Variants in SORCS2 observed in about 807,000 individuals in gnomAD.
The protein encoded by SORCS2 is VPS10 domain-containing receptor SorCS2.
A neutral mutation model predicts 141.6 loss-of-function variants in SORCS2; 100 were observed. The observed-to-expected ratio is 0.71, with a 90% CI of 0.60 to 0.83. The LOEUF (loss-of-function observed/expected upper bound fraction) is 0.83, where lower values mean the gene tolerates loss of function less well. Ranked by LOEUF, SORCS2 falls within the 40% of genes least tolerant of loss-of-function variation. The pLI is 0.00. For synonymous variants in SORCS2, 789 were observed against 676.9 expected (o/e 1.17, Z -2.57); for missense variants, 1,646 against 1,560.2 (o/e 1.05, Z -0.93).
At chr4:7,244,029 C>T (rs973631015) in intron 1 of SORCS2, among the ~76,000 whole-genome samples, 6 of 152,240 alleles carry the variant, frequency 3.9e-5, no homozygotes, top group Admixed American at 6.5e-5. Flanking sequence ...CTCTGCTCAG[C>T]GGAGTCACCT....
chr4:7,597,068 A>G (rs951713717), intron 3 of SORCS2, among the ~76,000 whole-genome samples: 5 of 152,172 alleles, frequency 3.3e-5, no homozygotes, highest in African/African-American at 7.2e-5. Context: ...TAAAAAATCA[A>G]TGCAGGCTTA....
At chr4:7,684,997 G>T (rs1577072377) in intron 10 of SORCS2, among the ~76,000 whole-genome samples, 1 of 152,188 alleles carries the variant, frequency 6.6e-6, no homozygotes. Flanking sequence ...CCTCTCAGGG[G>T]CCGGCTGCCC....
At chr4:7,519,973 G>C (rs1164646801) in intron 2 of SORCS2, among the ~76,000 whole-genome samples, 1 of 152,212 alleles carries the variant, frequency 6.6e-6, no homozygotes, top group Admixed American at 6.5e-5. Flanking sequence ...TTAGGCCCCA[G>C]GGCTCCTGCT....
At chr4:7,227,659 C>G (rs1729067415) in intron 1 of SORCS2, among the ~76,000 whole-genome samples, 1 of 152,040 alleles carries the variant, frequency 6.6e-6, no homozygotes. Context: ...GGAGTCGTTT[C>G]CCAGCCTCAC....
intron 1 of SORCS2, among the ~76,000 whole-genome samples, chr4:7,348,508 C>T (rs1013702565): frequency 6.6e-6 from 1 of 152,126 alleles, no homozygotes; most frequent in Non-Finnish European, 1.5e-5. Context: ...AGTGCCCTGG[C>T]GAAGACCATG....
At chr4:7,642,370 A>G (rs1490363275) in intron 4 of SORCS2, among the ~76,000 whole-genome samples, 1 of 152,242 alleles carries the variant, frequency 6.6e-6, no homozygotes, top group Admixed American at 6.5e-5. Context: ...CTGCATTGCA[A>G]TTGCTCTCTA....
intron 1 of SORCS2, among the ~76,000 whole-genome samples, chr4:7,383,447 C>T (rs1011455827): frequency 6.6e-6 from 1 of 152,140 alleles, no homozygotes; most frequent in Non-Finnish European, 1.5e-5. Flanking sequence ...GACATGACAG[C>T]GTTGTTTCTA....
chr4:7,383,761 T>A (rs1482906252), intron 1 of SORCS2, among the ~76,000 whole-genome samples: 1 of 152,194 alleles, frequency 6.6e-6, no homozygotes, highest in Non-Finnish European at 1.5e-5. Flanking sequence ...AACAGCAGCT[T>A]GTAATTTCAT....
At chr4:7,363,389 TACCAAC>T (rs1721715142) in intron 1 of SORCS2, among the ~76,000 whole-genome samples, 3 of 145,518 alleles carry the variant, frequency 2.1e-5, no homozygotes, top group South Asian at 2.1e-4. Flanking sequence ...CCGTCATTGC[TACCAAC>T]ACCATCACTG....
At chr4:7,739,923 C>T (rs1056972364) in intron 26 of SORCS2, among the ~76,000 whole-genome samples, 10 of 152,202 alleles carry the variant, frequency 6.6e-5, no homozygotes, top group Admixed American at 3.3e-4. Context: ...GCGATCCCCA[C>T]GCAGGTCAGT....
chr4:7,504,190 A>G (rs1732144459), intron 2 of SORCS2, among the ~76,000 whole-genome samples: 3 of 152,210 alleles, frequency 2.0e-5, no homozygotes, highest in Admixed American at 2.0e-4. Flanking sequence ...ACACACCGGG[A>G]TCCTCACTCC....
chr4:7,621,308 GTGTC>G (rs1351041528), intron 3 of SORCS2, among the ~76,000 whole-genome samples: 1 of 152,188 alleles, frequency 6.6e-6, no homozygotes, highest in Non-Finnish European at 1.5e-5. Context: ...ACAAATGTGT[GTGTC>G]TGTGTATGTG....
chr4:7,710,534 T>A (rs1330170017), intron 14 of SORCS2, among the ~76,000 whole-genome samples: 1 of 152,186 alleles, frequency 6.6e-6, no homozygotes, highest in African/African-American at 2.4e-5. Flanking sequence ...GAGAAGACCC[T>A]CAGATGCTGT....
chr4:7,531,401 A>T, intron 2 of SORCS2, 129 bp from the exon 3 acceptor site: 1 of 764,750 alleles, frequency 1.3e-6, no homozygotes, highest in Non-Finnish European at 2.2e-6. Context: ...CAGAGTGCCC[A>T]GGACTGTACT....
chr4:7,438,220 A>G (rs1353294446), intron 2 of SORCS2, among the ~76,000 whole-genome samples: 1 of 152,140 alleles, frequency 6.6e-6, no homozygotes. Context: ...TCGGGAGCTG[A>G]TGGCAGCTTT....
chr4:7,737,305 C>T, intron 26 of SORCS2, 133 bp downstream of exon 26: 1 of 1,355,888 alleles, frequency 7.4e-7, no homozygotes, highest in Non-Finnish European at 9.9e-7. Context: ...CAGCCCTTGC[C>T]AGCGGGTCGG....
rs1287970638 is a variant in SORCS2 at position 7,305,091 on chromosome 4, GA to G, written c.481-91196del. Among the ~76,000 whole-genome samples, 5 of 149,690 alleles carry G rather than the reference GA, an allele frequency of 3.3e-5. No homozygotes were observed. The East Asian group carries it at 7.9e-4, about 24-fold the overall frequency. On this transcript the variant is annotated intron_variant, in intron 1 of 26. Coordinates refer to ENST00000507866, the MANE Select transcript of SORCS2 (RefSeq NM_020777.3). ...TCTTTTGCCCAGGCTGGAGTGCAGT[GA>G]GTGATCTCAGCTCACTGCAAGCTCC... is the stretch of plus-strand genomic sequence containing the variant.
chr4:7,610,398 GGC>G (rs1279701619), intron 3 of SORCS2, among the ~76,000 whole-genome samples: 18 of 152,082 alleles, frequency 1.2e-4, no homozygotes, highest in Non-Finnish European at 1.8e-4. Flanking sequence ...CCTCCACCAG[GGC>G]CCCCAGCCCA....
At chr4:7,543,631 CCCATCCGTCCATCCGTCCAT>C (rs1712902155) in intron 3 of SORCS2, among the ~76,000 whole-genome samples, 1 of 113,632 alleles carries the variant, frequency 8.8e-6, no homozygotes, top group Non-Finnish European at 1.9e-5. Context: ...CATCCATCCA[CCCATCCGTCCATCCGTCCAT>C]CCATCCACCC....
Sources: gnomAD v4.1 joint callset for allele counts (sites outside exome capture counted in the v4.1 genomes callset) on GRCh38, gnomAD v4.1.1 for gene constraint, MANE v1.5 for transcripts, NCBI Gene and HGNC (gene_info 2026-07-23, HGNC 2026-07-21) for gene names.